ERC2: variants seen among roughly 807,000 people sequenced by gnomAD.
The protein encoded by ERC2 is ERC protein 2.
Under a neutral mutation model 114.8 loss-of-function variants are expected in ERC2, and 42 were observed. The ratio of observed to expected loss-of-function variants is 0.37; its 90% CI spans 0.29 to 0.47. The LOEUF (loss-of-function observed/expected upper bound fraction) is 0.47. ERC2 is among the 20% of genes least tolerant of loss of function. The pLI is 0.99. For synonymous variants in ERC2, 454 were observed against 425.5 expected, an observed-to-expected ratio of 1.07 and a Z score of -0.82; for missense variants, 939 against 1,150.7, an observed-to-expected ratio of 0.82 and a Z score of 2.66.
chr3:56,116,586 C>T (rs1457676581), intron 6 of ERC2, among the ~76,000 whole-genome samples: 2 of 152,198 alleles, frequency 1.3e-5, no homozygotes, highest in Non-Finnish European at 2.9e-5. Context: ...ATCTTCCCAC[C>T]TGTCCTCCCC....
chr3:55,648,676 G>A lies in ERC2; in HGVS notation c.*39+35118C>T, dbSNP rs144214745. On this transcript the variant is annotated intron_variant, in intron 17 of 17. Coordinates refer to ENST00000288221, the MANE Select transcript of ERC2 (RefSeq NM_015576.3). ...GAAGGTGCAAAGAAAGCCCCATGGA[G>A]AAAGACCATCAGATCCAGAGTCTGT... 2.9e-3 allele frequency among the ~76,000 whole-genome samples: 449 copies of A among 152,292 alleles called. 3 individuals are homozygous for A. Among genetic ancestry groups the A allele is most frequent in the African/African-American group, 0.01 (425 of 41,554 alleles).
At chr3:56,455,674 A>G (rs2063030173) in intron 1 of ERC2, among the ~76,000 whole-genome samples, 1 of 152,248 alleles carries the variant, frequency 6.6e-6, no homozygotes, top group African/African-American at 2.4e-5. Context: ...CCTGACTCAT[A>G]GTAGATACTT....
At chr3:55,565,845 A>T (rs2056333799) in intron 17 of ERC2, among the ~76,000 whole-genome samples, 2 of 152,192 alleles carry the variant, frequency 1.3e-5, no homozygotes, top group African/African-American at 4.8e-5. Flanking sequence ...AGATGGATGT[A>T]AATACTCTGT....
intron 7 of ERC2, among the ~76,000 whole-genome samples, chr3:56,040,779 G>C (rs2075142111): frequency 1.4e-5 from 2 of 142,572 alleles, no homozygotes; most frequent in African/African-American, 5.1e-5. Flanking sequence ...TCTATATATA[G>C]AGATATATAT....
chr3:56,173,328 A>C, intron 4 of ERC2, 118 bp downstream of exon 4: 1 of 935,728 alleles, frequency 1.1e-6, no homozygotes, highest in South Asian at 1.4e-5. Context: ...GAAGTAAAGC[A>C]TCCAGCAGGG....
chr3:56,445,100 C>A (rs1354241101), intron 1 of ERC2, among the ~76,000 whole-genome samples: 1 of 152,190 alleles, frequency 6.6e-6, no homozygotes, highest in Non-Finnish European at 1.5e-5. Context: ...CCTTAAAAAT[C>A]TGAAAATCTG....
intron 7 of ERC2, among the ~76,000 whole-genome samples, chr3:56,052,059 G>A (rs997812041): frequency 1.3e-5 from 2 of 152,082 alleles, no homozygotes; most frequent in African/African-American, 4.8e-5. Flanking sequence ...TGTCCACTTC[G>A]CTTTAAAAGA....
intron 15 of ERC2, among the ~76,000 whole-genome samples, chr3:55,732,199 G>T (rs2065292561): frequency 6.6e-6 from 1 of 152,132 alleles, no homozygotes; most frequent in Non-Finnish European, 1.5e-5. Flanking sequence ...GAGGGACACT[G>T]GATACAAGAC....
At chr3:55,590,196 C>T (rs1209742556) in intron 17 of ERC2, among the ~76,000 whole-genome samples, 1 of 152,018 alleles carries the variant, frequency 6.6e-6, no homozygotes, top group Non-Finnish European at 1.5e-5. Context: ...AAGTAAAAAG[C>T]GTGAGATCGT....
intron 2 of ERC2, among the ~76,000 whole-genome samples, chr3:56,313,287 C>T (rs2056705219): frequency 6.6e-6 from 1 of 151,554 alleles, no homozygotes; most frequent in Non-Finnish European, 1.5e-5. Context: ...GATGGTTTCA[C>T]TACTCTGTGA....
intron 3 of ERC2, among the ~76,000 whole-genome samples, chr3:56,215,058 T>C (rs1385232666): frequency 6.6e-6 from 1 of 152,052 alleles, no homozygotes; most frequent in Non-Finnish European, 1.5e-5. Flanking sequence ...GTAAAGACCA[T>C]CGAGGCTAGG....
rs1379714 is a variant in ERC2, at chr3:56,007,165, C to T, written c.2061+16G>A. 5 of 1,536,530 alleles carry T rather than the reference C, an allele frequency of 3.3e-6. No individual in the cohort carries two copies. Among genetic ancestry groups the T allele is most frequent in the African/African-American group, 2.8e-5 (2 of 72,120 alleles). ...TTTTTAAATAAGCATGATTCTTTTT[C>T]TTAGACTTCACTTACCTTTTTTAAC... is the stretch of plus-strand genomic sequence containing the variant. On this transcript the variant is annotated intron_variant, in intron 10 of 17. Coordinates refer to ENST00000288221, the MANE Select transcript of ERC2 (RefSeq NM_015576.3).
At chr3:56,236,272 C>T (rs1428437336) in intron 3 of ERC2, among the ~76,000 whole-genome samples, 3 of 140,226 alleles carry the variant, frequency 2.1e-5, no homozygotes, top group African/African-American at 7.5e-5. Flanking sequence ...AATAACATTT[C>T]GATACATTTT....
chr3:56,147,850 G>A (rs1389663818), intron 5 of ERC2, among the ~76,000 whole-genome samples: 3 of 152,090 alleles, frequency 2.0e-5, no homozygotes, highest in Admixed American at 1.3e-4. Flanking sequence ...TGGGCTATTC[G>A]TAAATTTAAT....
intron 17 of ERC2, among the ~76,000 whole-genome samples, chr3:55,543,968 G>A (rs188291623): frequency 1.3e-5 from 2 of 152,302 alleles, no homozygotes; most frequent in East Asian, 1.9e-4. Context: ...CAGGGAGGCC[G>A]ATTCACAGGA....
intron 17 of ERC2, among the ~76,000 whole-genome samples, chr3:55,541,942 A>T (rs79258010): frequency 6.6e-6 from 1 of 152,190 alleles, no homozygotes; most frequent in Non-Finnish European, 1.5e-5. Flanking sequence ...AATTTTCACA[A>T]TTTTTGCCAA....
At chr3:55,896,952 G>GTTTTT (rs1290199075) in intron 13 of ERC2, among the ~76,000 whole-genome samples, 2 of 152,214 alleles carry the variant, frequency 1.3e-5, no homozygotes, top group African/African-American at 2.4e-5. Flanking sequence ...ATATTCAACT[G>GTTTTT]TATTTACTGT....
chr3:56,292,455 T>A (rs1438486301), intron 3 of ERC2, among the ~76,000 whole-genome samples: 2 of 148,936 alleles, frequency 1.3e-5, no homozygotes, highest in African/African-American at 4.9e-5. Context: ...CCAGGCATCG[T>A]GGCACATGCC....
intron 2 of ERC2, among the ~76,000 whole-genome samples, chr3:56,379,088 G>A (rs192778415): frequency 6.6e-6 from 1 of 152,098 alleles, no homozygotes; most frequent in Non-Finnish European, 1.5e-5. Context: ...CTTTTTTGTT[G>A]TATTAAATCT....
Sources: gnomAD v4.1 joint callset for allele counts (sites outside exome capture counted in the v4.1 genomes callset) on GRCh38, gnomAD v4.1.1 for gene constraint, MANE v1.5 for transcripts, NCBI Gene and HGNC (gene_info 2026-07-23, HGNC 2026-07-21) for gene names.